The following PRRC2A variants were observed in gnomAD, a reference collection of about 807,000 sequenced individuals.
PRRC2A encodes the protein protein PRRC2A.
In PRRC2A, 59 loss-of-function variants were observed where a neutral mutation model predicts 224.6. The ratio of observed to expected loss-of-function variants is 0.26; its 90% CI spans 0.21 to 0.33. The LOEUF (loss-of-function observed/expected upper bound fraction) is 0.33, where lower values mean the gene tolerates loss of function less well. PRRC2A is among the 10% of genes least tolerant of loss of function. The pLI is 1.00. For synonymous variants in PRRC2A, 1,194 were observed against 1,109.5 expected, an observed-to-expected ratio of 1.08 and a Z score of -1.51; for missense variants, 3,095 against 2,880.7, an observed-to-expected ratio of 1.07 and a Z score of -1.70.
chr6:31,634,419 CT>C, intron 19 of PRRC2A, 52 bp from the exon 20 acceptor site: 2 of 1,612,100 alleles, frequency 1.2e-6, no homozygotes, highest in Non-Finnish European at 1.7e-6. Flanking sequence ...ATGAGAGGGG[CT>C]TCTGAACTGT....
rs1369371447 is a variant in PRRC2A, at chr6:31,632,059, A to G, written c.3386A>G (p.Glu1129Gly). 1.9e-6 allele frequency: 3 copies of G among 1,573,868 alleles called. No individual in the cohort carries two copies. Among genetic ancestry groups the G allele is most frequent in the Non-Finnish European group, 1.7e-6 (2 of 1,157,498 alleles). ...GACAAGGAGGCTCCCACACCCAAGGAGGGAACACTCACCCAGGTCCCTCTC... is the reference window on the plus strand; with the variant it reads ...GACAAGGAGGCTCCCACACCCAAGGGGGGAACACTCACCCAGGTCCCTCTC... ...PSDKEAPTPKEGTLTQVPLAP... is the reference protein window; with the variant it reads ...PSDKEAPTPKGGTLTQVPLAP... Residue 1129 changes from glutamate to glycine, a missense_variant, in exon 16 of 31, where the codon GAG becomes GGG. Glu to Gly is a moderately conservative substitution (Grantham distance 98, BLOSUM62 -2). Around this residue, in one of 8 missense-constraint regions of PRRC2A, gnomAD observed 2,001 missense variants for 1,764.9 expected, o/e 1.13. Coordinates refer to ENST00000376033, the MANE Select transcript of PRRC2A (RefSeq NM_004638.4).
At position 31,632,239 on chromosome 6, in the gene PRRC2A, C is replaced by T. The variant is rs1776706870; in HGVS notation, c.3566C>T (p.Ala1189Val). ...PQVCPGWSPP[A>V]KSLAPKKPPT... Reference sequence around the variant, plus strand: ...GTTTGCCCAGGCTGGAGCCCTCCAGCCAAGTCTCTGGCTCCCAAGAAACCT... The same window carrying T: ...GTTTGCCCAGGCTGGAGCCCTCCAGTCAAGTCTCTGGCTCCCAAGAAACCT... The change falls in exon 16 of 31, where the codon GCC (alanine) becomes GTC (valine). Residue 1189 changes from alanine to valine, a missense_variant. Transcript: ENST00000376033. 1.9e-6 allele frequency: 3 copies of T among 1,612,874 alleles called. No individual in the cohort carries two copies. The highest frequency in any genetic ancestry group is 2.5e-6 in the Non-Finnish European group (3 of 1,179,940).
Position 31,629,295 on chromosome 6 carries a change from T to G in PRRC2A, c.1917T>G (p.Tyr639Ter). Reference protein sequence around the residue: ...PPSQGLGYPKYQKSLPPRFQR... With the variant: ...PPSQGLGYPK ...GTCAGGGCTTGGGCTACCCCAAATA[T>G]CAGAAGTCGTTGCCTCCTCGTTTCC... Residue 639 changes from tyrosine to a stop codon, truncating the protein, a stop_gained, in exon 13 of 31, where the codon TAT becomes TAG. Transcript: ENST00000376033. LOFTEE classifies it high-confidence loss of function. 6.3e-7 allele frequency: 1 copy of G among 1,584,366 alleles called. No homozygotes were observed. Among genetic ancestry groups the G allele is most frequent in the Non-Finnish European group, 8.6e-7 (1 of 1,165,228 alleles).
In PRRC2A at chr6:31,625,986, A is replaced by G. The variant is rs541387961; in HGVS notation, c.840-34A>G. ...GATCAGTCTCGCATGTGGTTATACA[A>G]CATGCCATATTTCATTTTCTTTTTT... On this transcript the variant is annotated intron_variant, in intron 8 of 30. Coordinates refer to ENST00000376033, the MANE Select transcript of PRRC2A (RefSeq NM_004638.4). The surrounding 1 kb of genome is among the most constrained non-coding windows in gnomAD (Gnocchi z 4.1). The G allele has an allele frequency of 7.5e-6, 12 of 1,609,208 alleles. No homozygotes were observed. The African/African-American group carries it at 1.3e-4, about 18-fold the overall frequency.
At position 31,632,056 on chromosome 6, in the gene PRRC2A, A is replaced by G. The variant is rs1436522304; in HGVS notation, c.3383A>G (p.Lys1128Arg). 4 of 1,576,548 alleles carry G rather than the reference A, an allele frequency of 2.5e-6. No homozygotes were observed. In the African/African-American group the frequency reaches 5.4e-5, roughly 21 times the overall value. Residue 1128 changes from lysine to arginine, a missense_variant, in exon 16 of 31, where the codon AAG (lysine) becomes AGG (arginine). Lys to Arg is a conservative substitution (Grantham distance 26). Coordinates refer to ENST00000376033, the MANE Select transcript of PRRC2A (RefSeq NM_004638.4). The stretch of plus-strand genomic sequence containing the variant: ...TCAGACAAGGAGGCTCCCACACCCA[A>G]GGAGGGAACACTCACCCAGGTCCCT... The part of the protein sequence containing the change: ...APSDKEAPTP[K>R]EGTLTQVPLA...
Position 31,629,714 on chromosome 6 carries a change from T to G in PRRC2A, c.2123T>G (p.Leu708Arg). 6.3e-7 allele frequency: 1 copy of G among 1,582,188 alleles called. No individual in the cohort carries two copies. The highest frequency in any genetic ancestry group is 8.7e-7 in the Non-Finnish European group (1 of 1,154,772). The change falls in exon 14 of 31, where the codon CTG (leucine) becomes CGG (arginine). Residue 708 changes from leucine to arginine, a missense_variant. By Grantham distance (102) the Leu-to-Arg change is moderately radical. This residue lies in a region of PRRC2A where 2,001 missense variants were observed against 1,764.9 expected (regional missense o/e 1.13). Coordinates refer to ENST00000376033, the MANE Select transcript of PRRC2A (RefSeq NM_004638.4). Reference protein sequence around the residue: ...PPPKALYPGALGRPPPMPPMN... With the variant: ...PPPKALYPGARGRPPPMPPMN... The stretch of plus-strand genomic sequence containing the variant: ...CCCAAGGCCCTGTACCCAGGTGCTC[T>G]GGGCCGGCCCCCACCCATGCCCCCA...
rs770595942 is a variant in PRRC2A, at chr6:31,632,003, C to T, written c.3330C>T (p.Ser1110=). The part of the protein sequence containing the change: ...RRRQRGSETG[S]ETHESDLAPS... ...GGCAGCGGGGCTCAGAAACAGGCAG[C>T]GAGACCCATGAGAGTGATCTGGCTC... is the stretch of plus-strand genomic sequence containing the variant. The change falls in exon 16 of 31, where the codon AGC becomes AGT. Residue 1110 remains serine (S), a synonymous_variant. Coordinates refer to ENST00000376033, the MANE Select transcript of PRRC2A (RefSeq NM_004638.4). 31 of 1,610,400 alleles carry T rather than the reference C, an allele frequency of 1.9e-5. No homozygotes were observed. Among genetic ancestry groups the T allele is most frequent in the Non-Finnish European group, 2.3e-5 (27 of 1,178,566 alleles).
chr6:31,627,448 A>G lies in PRRC2A; in HGVS notation c.1290+250A>G, dbSNP rs182115640. On this transcript the variant is annotated intron_variant, in intron 11 of 30. Transcript: ENST00000376033. This position sits in a 1 kb window ranked among gnomAD's most constrained non-coding sequence, Gnocchi z 5.6. ...CCCTGGGTGTTTGGGTTTCGGAAGG[A>G]GAGAGGGAACAGAAAAATAAAAAGA... is the stretch of plus-strand genomic sequence containing the variant. 3.9e-4 allele frequency among the ~76,000 whole-genome samples: 60 copies of G among 152,298 alleles called. 4 individuals are homozygous for G. The highest frequency in any genetic ancestry group is 1.3e-3 in the African/African-American group (55 of 41,558).
intron 2 of PRRC2A, among the ~76,000 whole-genome samples, chr6:31,623,429 G>A (rs537172005): frequency 1.8e-4 from 28 of 151,888 alleles, no homozygotes; most frequent in Admixed American, 5.2e-4. Flanking sequence ...CACCACACCC[G>A]GCTAATTTTG....
chr6:31,621,578 C>T (rs548972545), intron 1 of PRRC2A, among the ~76,000 whole-genome samples: 2 of 152,106 alleles, frequency 1.3e-5, no homozygotes, highest in South Asian at 2.1e-4. Flanking sequence ...CGCTACATGA[C>T]TCTTGTATTC....
downstream of PRRC2A, chr6:31,637,771 A>AC: frequency 2.3e-6 from 1 of 431,644 alleles, no homozygotes; most frequent in South Asian, 7.5e-5. Context: ...AAAAAAAAAA[A>AC]CTTCTACAAT....
rs772875425 is a variant in PRRC2A, at chr6:31,628,257, G to A, written c.1765+18G>A. The stretch of plus-strand genomic sequence containing the variant: ...CAGCCCAGGTATGGAGATGGGGATA[G>A]GTACTACCAGATGTCAGATCACTGC... On this transcript the variant is annotated intron_variant, in intron 12 of 30. Coordinates refer to ENST00000376033, the MANE Select transcript of PRRC2A (RefSeq NM_004638.4). The A allele has an allele frequency of 3.1e-6, 5 of 1,594,806 alleles. No individual in the cohort carries two copies. Among genetic ancestry groups the A allele is most frequent in the Non-Finnish European group, 3.4e-6 (4 of 1,172,798 alleles).
intron 12 of PRRC2A, chr6:31,628,902 C>T (rs13204983): frequency 0.012 from 6,119 of 518,960 alleles, 65 homozygotes; most frequent in South Asian, 0.035. Flanking sequence ...TCCTATAGGC[C>T]AAGACTGAAG....
chr6:31,625,758 C>T lies in PRRC2A; in HGVS notation c.760-34C>T, dbSNP rs1775836623. On this transcript the variant is annotated intron_variant, in intron 7 of 30. Transcript: ENST00000376033. The surrounding 1 kb of genome is among the most constrained non-coding windows in gnomAD (Gnocchi z 4.1). Reference sequence around the variant, plus strand: ...AGGAGCTAGAAGGGTATATGACTGTCCCTCTGAGCAGCTACTGTTGGACCC... The same window carrying T: ...AGGAGCTAGAAGGGTATATGACTGTTCCTCTGAGCAGCTACTGTTGGACCC... 3.2e-6 allele frequency: 5 copies of T among 1,554,926 alleles called. No individual in the cohort carries two copies. Among genetic ancestry groups the T allele is most frequent in the South Asian group, 1.1e-5 (1 of 89,826 alleles).
Position 31,629,281 on chromosome 6 carries a change from G to A in PRRC2A, c.1903G>A (p.Gly635Ser), listed in dbSNP as rs768550132. 5.0e-6 allele frequency: 8 copies of A among 1,592,812 alleles called. No individual in the cohort carries two copies. The highest frequency in any genetic ancestry group is 6.8e-6 in the Non-Finnish European group (8 of 1,170,406). ...CCGCCAGCCCCCTAGTCAGGGCTTG[G>A]GCTACCCCAAATATCAGAAGTCGTT... ...PTRQPPSQGLGYPKYQKSLPP... is the reference protein window; with the variant it reads ...PTRQPPSQGLSYPKYQKSLPP... Residue 635 changes from glycine (G) to serine (S), a missense_variant, in exon 13 of 31, where the codon GGC (glycine) becomes AGC (serine). By Grantham distance (56) the Gly-to-Ser change is moderately conservative. Around this residue, in one of 8 missense-constraint regions of PRRC2A, gnomAD observed 2,001 missense variants for 1,764.9 expected, o/e 1.13. Transcript: ENST00000376033.
At chr6:31,629,420 CCTTTG>C in intron 13 of PRRC2A, 86 bp downstream of exon 13, 4 of 1,497,372 alleles carry the variant, frequency 2.7e-6, no homozygotes, top group Non-Finnish European at 3.6e-6. Context: ...CTTCTGGGTC[CCTTTG>C]CTTCTTTGTC....
Position 31,624,624 on chromosome 6 carries a change from A to G in PRRC2A, c.463+102A>G, listed in dbSNP as rs548091289. The G allele has an allele frequency of 8.6e-6, 11 of 1,281,528 alleles. No individual in the cohort carries two copies. In the South Asian group the frequency reaches 1.2e-4, roughly 14 times the overall value. 79.4% of individuals were successfully genotyped at this position (1,281,528 alleles called of 1,614,324 possible). On this transcript the variant is annotated intron_variant, in intron 5 of 30. Coordinates refer to ENST00000376033, the MANE Select transcript of PRRC2A (RefSeq NM_004638.4). ...AGTGACCTTGGTCCTCTTTGGCTAA[A>G]TCAAGGACCACCCATATTCAGTTTC...
In PRRC2A at chr6:31,637,638, T is replaced by G; in HGVS notation, c.*52T>G. 1.2e-6 allele frequency: 1 copy of G among 816,476 alleles called. No individual in the cohort carries two copies. The allele number at this position is 816,476 out of a possible 1,614,324, so 50.6% of individuals were successfully genotyped here. On this transcript the variant is annotated 3_prime_UTR_variant, in exon 31 of 31. Transcript: ENST00000376033. Reference sequence around the variant, plus strand: ...GGGGCTTGTATATAGATTATAAATATATAAGGGGGAAAGGGGTGGGCGGGG... The same window carrying G: ...GGGGCTTGTATATAGATTATAAATAGATAAGGGGGAAAGGGGTGGGCGGGG...
rs748817785 is a variant in PRRC2A at position 31,626,031 on chromosome 6, G to A, written c.851G>A (p.Arg284His). ...TTTTTTGTGTACAGCCGTTTTCCCC[G>A]TGTGGCGGGCCCCCGAGGCTCAGGG... ...PTPDGPSRFP[R>H]VAGPRGSGPP... The change falls in exon 9 of 31, where the codon CGT becomes CAT. Residue 284 changes from arginine (R) to histidine (H), a missense_variant. Arg to His is a conservative substitution (Grantham distance 29). Transcript: ENST00000376033. 2.0e-5 allele frequency: 33 copies of A among 1,611,446 alleles called. No individual in the cohort carries two copies. The highest frequency in any genetic ancestry group is 2.6e-5 in the Non-Finnish European group (31 of 1,179,514).
Sources: allele counts gnomAD v4.1 joint callset (sites outside exome capture counted in the v4.1 genomes callset), GRCh38; gene constraint gnomAD v4.1.1; regional missense constraint gnomAD v4.1.1; non-coding constraint Gnocchi (gnomAD v3.1); transcripts MANE v1.5; gene names NCBI Gene and HGNC (gene_info 2026-07-23, HGNC 2026-07-21).